Variants in PRDX3 observed in about 807,000 individuals in gnomAD.
PRDX3 encodes thioredoxin-dependent peroxide reductase, mitochondrial.
PRDX3 carries 20 observed loss-of-function variants against 30.4 expected under a neutral mutation model. That is an observed-to-expected ratio of 0.66 (90% CI 0.46 to 0.96). The LOEUF (loss-of-function observed/expected upper bound fraction) is 0.96, where lower values mean the gene tolerates loss of function less well. PRDX3 is among the 40% of genes least tolerant of loss of function. The probability of loss-of-function intolerance (pLI) is 0.00; values close to 1 mark genes in which losing one functional copy is unlikely to be tolerated. For synonymous variants in PRDX3, 124 were observed against 117.8 expected (o/e 1.05, Z -0.34); for missense variants, 322 against 318.3 (o/e 1.01, Z -0.09).
chr10:119,177,649 C>CAA (rs34339894), intron 1 of PRDX3, among the ~76,000 whole-genome samples: 61 of 94,874 alleles, frequency 6.4e-4, no homozygotes, highest in African/African-American at 1.9e-3. Flanking sequence ...AACTCCGTCT[C>CAA]AAAAAAAAAA....
Position 119,168,254 on chromosome 10 carries a change from G to A in PRDX3, c.*226C>T, listed in dbSNP as rs1847813269. On this transcript the variant is annotated 3_prime_UTR_variant, in exon 7 of 7. Transcript: ENST00000298510. ...AATTATGTTCTGTAGAAACTAGCTA[G>A]CCAGCCACCAAGATGTTACCAATAA... is the stretch of plus-strand genomic sequence containing the variant. 3 of 831,300 alleles carry A rather than the reference G, an allele frequency of 3.6e-6. No homozygotes were observed. Among genetic ancestry groups the A allele is most frequent in the African/African-American group, 1.8e-5 (1 of 56,672 alleles). The allele number at this position is 831,300 out of a possible 1,614,324, so 51.5% of individuals were successfully genotyped here.
intron 2 of PRDX3, 146 bp downstream of exon 2, chr10:119,176,875 T>G: frequency 1.1e-6 from 1 of 936,456 alleles, no homozygotes; most frequent in Non-Finnish European, 1.6e-6. Flanking sequence ...CAGACTAACT[T>G]GTCTGGGGTG....
intron 4 of PRDX3, 52 bp downstream of exon 4, chr10:119,173,685 G>C: frequency 6.4e-7 from 1 of 1,573,178 alleles, no homozygotes; most frequent in Non-Finnish European, 8.6e-7. Flanking sequence ...TAGAAATTTA[G>C]ATTCTTCCAA....
chr10:119,170,591 G>A (rs1268322106), intron 5 of PRDX3: 4 of 150,644 alleles, frequency 2.7e-5, no homozygotes. Context: ...TCTCTTTAAA[G>A]TTTAAAAAAA....
chr10:119,175,724 G>A (rs548199050), intron 2 of PRDX3, among the ~76,000 whole-genome samples: 20 of 151,978 alleles, frequency 1.3e-4, no homozygotes, highest in Non-Finnish European at 2.5e-4. Flanking sequence ...AGATTAGTCC[G>A]GCAGGAGGGA....
At position 119,168,277 on chromosome 10, in the gene PRDX3, T is replaced by A; in HGVS notation, c.*203A>T. The A allele has an allele frequency of 9.2e-7, 1 of 1,086,270 alleles. No homozygotes were observed. The highest frequency in any genetic ancestry group is 1.3e-6 in the Non-Finnish European group (1 of 796,806). 67.3% of individuals were successfully genotyped at this position (1,086,270 alleles called of 1,614,324 possible). Reference sequence around the variant, plus strand: ...TAGCCAGCCACCAAGATGTTACCAATAAAGGATTCCTTGTACTAGCAACTA... The same window carrying A: ...TAGCCAGCCACCAAGATGTTACCAAAAAAGGATTCCTTGTACTAGCAACTA... On this transcript the variant is annotated 3_prime_UTR_variant, in exon 7 of 7. Coordinates refer to ENST00000298510, the MANE Select transcript of PRDX3 (RefSeq NM_006793.5).
At chr10:119,168,605 C>T in intron 6 of PRDX3, 72 bp from the exon 7 acceptor site, 1 of 1,576,770 alleles carries the variant, frequency 6.3e-7, no homozygotes, top group Non-Finnish European at 8.6e-7. Flanking sequence ...GAGTGGCAAT[C>T]TCCCAATTTT....
chr10:119,169,038 C>T, intron 6 of PRDX3, 139 bp downstream of exon 6: 7 of 702,716 alleles, frequency 1.0e-5, no homozygotes, highest in Non-Finnish European at 1.6e-5. Context: ...ACCCCCTCTA[C>T]CCCACAGCAG....
intron 3 of PRDX3, among the ~76,000 whole-genome samples, chr10:119,174,097 G>GA (rs935523009): frequency 4.6e-5 from 7 of 150,894 alleles, no homozygotes; most frequent in Non-Finnish European, 7.4e-5. Flanking sequence ...CATATTTTAA[G>GA]AAAAAAAAAT....
chr10:119,172,776 T>TG (rs1381638328), intron 4 of PRDX3, among the ~76,000 whole-genome samples: 1 of 151,220 alleles, frequency 6.6e-6, no homozygotes, highest in East Asian at 1.9e-4. Context: ...CTTTTCCAAT[T>TG]TTTTTTTTAA....
In PRDX3 at chr10:119,173,867, A is replaced by C. The variant is rs918763253; in HGVS notation, c.317T>G (p.Phe106Cys). ...VLFFYPLDFTFVCPTEIVAFS... is the reference protein window; with the variant it reads ...VLFFYPLDFTCVCPTEIVAFS... ...AGCAACAATTTCTGTAGGACACACA[A>C]AGGTGCTGGAAAAAAAGGATAGAAA... The change falls in exon 4 of 7, where the codon TTT becomes TGT. Residue 106 changes from phenylalanine (F) to cysteine (C), a missense_variant. Coordinates refer to ENST00000298510, the MANE Select transcript of PRDX3 (RefSeq NM_006793.5). 1.9e-6 allele frequency: 3 copies of C among 1,600,420 alleles called. No homozygotes were observed. The highest frequency in any genetic ancestry group is 3.4e-5 in the Admixed American group (2 of 58,290).
Position 119,177,105 on chromosome 10 carries a change from C to T in PRDX3, c.85G>A (p.Ala29Thr). 1 of 1,613,782 alleles carries T rather than the reference C, an allele frequency of 6.2e-7. No homozygotes were observed. The highest frequency in any genetic ancestry group is 1.1e-5 in the South Asian group (1 of 91,066). ...AIPWGISATA[A>T]LRPAACGRTS... The stretch of plus-strand genomic sequence containing the variant: ...CTTCCACATGCAGCAGGCCTGAGGG[C>T]TGCAGTGGCAGAAATGCCCCAAGGA... The change falls in exon 2 of 7, where the codon GCC becomes ACC. Residue 29 changes from alanine (A) to threonine (T), a missense_variant. Coordinates refer to ENST00000298510, the MANE Select transcript of PRDX3 (RefSeq NM_006793.5).
At position 119,173,513 on chromosome 10, in the gene PRDX3, G is replaced by T. The variant is rs533948206; in HGVS notation, c.447+224C>A. 4.6e-5 allele frequency among the ~76,000 whole-genome samples: 7 copies of T among 152,056 alleles called. No homozygotes were observed. The East Asian group carries it at 1.4e-3, about 30-fold the overall frequency. ...AATCCCAGCTACTCGGGAAGCTGAG[G>T]TAGGAGAATCGCTTGAACCCAGGTG... is the stretch of plus-strand genomic sequence containing the variant. On this transcript the variant is annotated intron_variant, in intron 4 of 6. Transcript: ENST00000298510.
At position 119,169,668 on chromosome 10, in the gene PRDX3, G is replaced by A. The variant is rs34742566; in HGVS notation, c.552-326C>T. 6.8e-3 allele frequency: 1,178 copies of A among 174,250 alleles called. 21 individuals carry two copies. The highest frequency in any genetic ancestry group is 0.027 in the African/African-American group (1,132 of 42,420). 10.8% of individuals were successfully genotyped at this position (174,250 alleles called of 1,614,324 possible). On this transcript the variant is annotated intron_variant, in intron 5 of 6. Transcript: ENST00000298510. Reference sequence around the variant, plus strand: ...GCAAAGACTATTAGTGACTTGGCAAGCATTCTTTGAGCTGCTGTATCACAT... The same window carrying A: ...GCAAAGACTATTAGTGACTTGGCAAACATTCTTTGAGCTGCTGTATCACAT...
chr10:119,174,791 G>A (rs988508974), intron 2 of PRDX3, 199 bp from the exon 3 acceptor site: 5 of 474,556 alleles, frequency 1.1e-5, no homozygotes, highest in Non-Finnish European at 1.8e-5. Flanking sequence ...GAAATCTACA[G>A]ATGCTCAAGT....
intron 6 of PRDX3, 115 bp from the exon 7 acceptor site, chr10:119,168,648 C>A: frequency 6.7e-7 from 1 of 1,497,836 alleles, no homozygotes; most frequent in Non-Finnish European, 8.8e-7. Context: ...TTAAAGATTT[C>A]CTTTAAAACA....
At chr10:119,171,214 G>A (rs540260235) in intron 5 of PRDX3, among the ~76,000 whole-genome samples, 1 of 152,202 alleles carries the variant, frequency 6.6e-6, no homozygotes, top group African/African-American at 2.4e-5. Context: ...CTAATTTTTT[G>A]TATTTTTAGT....
chr10:119,168,266 G>C lies in PRDX3; in HGVS notation c.*214C>G, dbSNP rs142324456. On this transcript the variant is annotated 3_prime_UTR_variant, in exon 7 of 7. Coordinates refer to ENST00000298510, the MANE Select transcript of PRDX3 (RefSeq NM_006793.5). ...TAGAAACTAGCTAGCCAGCCACCAA[G>C]ATGTTACCAATAAAGGATTCCTTGT... The C allele has an allele frequency of 1.1e-4, 102 of 961,742 alleles. No individual in the cohort carries two copies. The African/African-American group carries it at 1.5e-3, about 15-fold the overall frequency. The allele number at this position is 961,742 out of a possible 1,614,324, so 59.6% of individuals were successfully genotyped here. A position where few individuals can be genotyped will look rare whatever the true frequency, so the allele number is the denominator to read the frequency against.
rs1283148692 is a variant in PRDX3, at chr10:119,168,399, T to C, written c.*81A>G. On this transcript the variant is annotated 3_prime_UTR_variant, in exon 7 of 7. Transcript: ENST00000298510. ...TAATTGGTTCCTTGCCTTCTACAAATAACCATCTTGAAAATGATAAAAGCA... is the reference window on the plus strand; with the variant it reads ...TAATTGGTTCCTTGCCTTCTACAAACAACCATCTTGAAAATGATAAAAGCA... 5.0e-6 allele frequency: 8 copies of C among 1,598,410 alleles called. No individual in the cohort carries two copies. The highest frequency in any genetic ancestry group is 2.6e-6 in the Non-Finnish European group (3 of 1,175,580).
Sources: gnomAD v4.1 joint callset for allele counts (sites outside exome capture counted in the v4.1 genomes callset) on GRCh38, gnomAD v4.1.1 for gene constraint, MANE v1.5 for transcripts, NCBI Gene and HGNC (gene_info 2026-07-23, HGNC 2026-07-21) for gene names.